POTEF: variants seen among roughly 807,000 people sequenced by gnomAD.
The protein encoded by POTEF is ANKRD26-like family C member 1B.
A neutral mutation model predicts 83.2 loss-of-function variants in POTEF; 20 were observed. The observed-to-expected ratio is 0.24, with a 90% CI of 0.17 to 0.35. POTEF has a LOEUF of 0.35. POTEF is among the 10% of genes least tolerant of loss of function. The pLI, the probability that POTEF is intolerant of heterozygous loss-of-function variation, is 1.00. For synonymous variants in POTEF, 196 were observed against 446.4 expected, an observed-to-expected ratio of 0.44 and a Z score of 7.07; for missense variants, 550 against 1,203.2, an observed-to-expected ratio of 0.46 and a Z score of 8.03.
At chr2:130,119,373 A>G (rs1472081502) in intron 3 of POTEF, among the ~76,000 whole-genome samples, 1 of 151,868 alleles carries the variant, frequency 6.6e-6, no homozygotes, top group East Asian at 1.9e-4. Flanking sequence ...TCACCGTGTT[A>G]GCCAGGATGG....
At position 130,112,107 on chromosome 2, in the gene POTEF, A is replaced by T; in HGVS notation, c.811-6T>A. On this transcript the variant is annotated splice_polypyrimidine_tract_variant and splice_region_variant and intron_variant, in intron 5 of 16. Coordinates refer to ENST00000409914, the MANE Select transcript of POTEF (RefSeq NM_001099771.2). The stretch of plus-strand genomic sequence containing the variant: ...AACAGTGGTGTGAGGCCATGCTGTA[A>T]AACAATATAAAGCAAAAACCTATGT... 1 of 1,478,476 alleles carries T rather than the reference A, an allele frequency of 6.8e-7. No individual in the cohort carries two copies. The highest frequency in any genetic ancestry group is 1.2e-5 in the South Asian group (1 of 84,564). 91.6% of individuals were successfully genotyped at this position (1,478,476 alleles called of 1,614,324 possible). A position where few individuals can be genotyped will look rare whatever the true frequency, so the allele number is the denominator to read the frequency against.
chr2:130,128,743 G>T (rs1479433540), intron 1 of POTEF, among the ~76,000 whole-genome samples: 1 of 118,800 alleles, frequency 8.4e-6, no homozygotes, highest in Non-Finnish European at 1.8e-5. Context: ...ACCACCCCCC[G>T]CTGCCAGCAT....
In POTEF at chr2:130,120,498, A is replaced by C; in HGVS notation, c.18T>G (p.Asp6Glu). 6.2e-7 allele frequency: 1 copy of C among 1,613,106 alleles called. No homozygotes were observed. Among genetic ancestry groups the C allele is most frequent in the Non-Finnish European group, 8.5e-7 (1 of 1,179,846 alleles). Residue 6 changes from aspartate (D) to glutamate (E), a missense_variant, in exon 3 of 17, where the codon GAT becomes GAG. Physicochemically the swap from Asp to Glu is conservative, Grantham distance 45. Transcript: ENST00000409914. ...TCACAGAAGAGGCAGCCGGCATGGA[A>C]TCAACCTCAACCACCATCTGCTTTT... MVVEV[D>E]SMPAASSVKK...
intron 2 of POTEF, among the ~76,000 whole-genome samples, chr2:130,126,003 C>T (rs1023349791): frequency 6.6e-6 from 1 of 151,510 alleles, no homozygotes; most frequent in Non-Finnish European, 1.5e-5. Context: ...TGACAATACT[C>T]TTGAAAATGG....
At chr2:130,105,047 T>C (rs1399641221) in intron 8 of POTEF, among the ~76,000 whole-genome samples, 4 of 149,556 alleles carry the variant, frequency 2.7e-5, no homozygotes, top group Admixed American at 1.3e-4. Context: ...CACATCCAGG[T>C]TAAATACTAC....
At chr2:130,076,005 A>C (rs1008684217) in intron 16 of POTEF, among the ~76,000 whole-genome samples, 1 of 134,982 alleles carries the variant, frequency 7.4e-6, no homozygotes, top group African/African-American at 2.8e-5. Flanking sequence ...CACCATCCTA[A>C]GAGCCTTAGC....
chr2:130,125,388 G>A (rs991748041), intron 2 of POTEF, among the ~76,000 whole-genome samples: 71 of 149,598 alleles, frequency 4.7e-4, no homozygotes, highest in Non-Finnish European at 8.4e-4. Context: ...ATGTATCAAC[G>A]GTATATTACA....
rs2104793957 is a variant in POTEF at position 130,095,391 on chromosome 2, T to C, written c.1410-1883A>G. Among the ~76,000 whole-genome samples the C allele has an allele frequency of 2.9e-5, 2 of 67,938 alleles. 1 individual carries two copies. The highest frequency in any genetic ancestry group is 6.7e-4 in the East Asian group (2 of 2,970). The allele number at this position is 67,938 out of a possible 152,430, so 44.6% of individuals were successfully genotyped here. ...ACTCCATTCACTTATTTAATAAGTATTTATTAGGTAGCTACATCCAATATG... is the reference window on the plus strand; with the variant it reads ...ACTCCATTCACTTATTTAATAAGTACTTATTAGGTAGCTACATCCAATATG... On this transcript the variant is annotated intron_variant, in intron 11 of 16. Coordinates refer to ENST00000409914, the MANE Select transcript of POTEF (RefSeq NM_001099771.2).
chr2:130,119,057 A>G (rs940258740), intron 3 of POTEF, among the ~76,000 whole-genome samples: 3 of 152,034 alleles, frequency 2.0e-5, no homozygotes, highest in Non-Finnish European at 2.9e-5. Context: ...TGTTACAAAA[A>G]ATTAATTTAT....
Position 130,074,016 on chromosome 2 carries a change from A to C in POTEF, c.*228T>G, listed in dbSNP as rs1354048659. 1 of 956,880 alleles carries C rather than the reference A, an allele frequency of 1.0e-6. No homozygotes were observed. Among genetic ancestry groups the C allele is most frequent in the African/African-American group, 1.7e-5 (1 of 60,404 alleles). 59.3% of individuals were successfully genotyped at this position (956,880 alleles called of 1,614,324 possible). ...TGGAATGACTATTGAAAAGAAGAACAAGGTACAATCAAAGTCCTTGGCCAC... is the reference window on the plus strand; with the variant it reads ...TGGAATGACTATTGAAAAGAAGAACCAGGTACAATCAAAGTCCTTGGCCAC... On this transcript the variant is annotated 3_prime_UTR_variant, in exon 17 of 17. Transcript: ENST00000409914.
At position 130,120,369 on chromosome 2, in the gene POTEF, G is replaced by C. The variant is rs372593701; in HGVS notation, c.147C>G (p.His49Gln). The change falls in exon 3 of 17, where the codon CAC becomes CAG. Residue 49 changes from histidine (H) to glutamine (Q), a missense_variant. Physicochemically the swap from His to Gln is conservative, Grantham distance 24. Transcript: ENST00000409914. ...TGAGTGTCTTCATAGCAGAGTCGTC[G>C]TGGTCTCCAGAAGTGCCCACGTTGC... ...GKSNVGTSGD[H>Q]DDSAMKTLRS... 1.2e-6 allele frequency: 2 copies of C among 1,601,844 alleles called. No homozygotes were observed. The highest frequency in any genetic ancestry group is 1.4e-5 in the African/African-American group (1 of 73,534).
At chr2:130,128,756 T>A (rs1573621520) in intron 1 of POTEF, among the ~76,000 whole-genome samples, 1 of 126,030 alleles carries the variant, frequency 7.9e-6, no homozygotes, top group African/African-American at 3.2e-5. Context: ...GCCAGCATTG[T>A]AGCTCCAAAT....
chr2:130,095,208 T>G (rs1684217812), intron 11 of POTEF, among the ~76,000 whole-genome samples: 1 of 90,004 alleles, frequency 1.1e-5, no homozygotes, highest in African/African-American at 4.9e-5. Flanking sequence ...TTTTGTATTT[T>G]TAGTAGAGAC....
intron 5 of POTEF, among the ~76,000 whole-genome samples, chr2:130,113,714 G>A (rs1573612426): frequency 1.3e-5 from 2 of 149,918 alleles, no homozygotes; most frequent in South Asian, 2.1e-4. Context: ...TAGACTTACT[G>A]TATCAAAATA....
At position 130,075,412 on chromosome 2, in the gene POTEF, T is replaced by C. The variant is rs573296979; in HGVS notation, c.2060A>G (p.Asn687Ser). ...LEDIESVKKR[N>S]DNLLKALQLN... ...TTGTAGAGCCTTTAAAAGATTATCA[T>C]TCCTTTTTTTCACACTTTCAATATC... Residue 687 changes from asparagine (N) to serine (S), a missense_variant, in exon 17 of 17, where the codon AAT becomes AGT. Coordinates refer to ENST00000409914, the MANE Select transcript of POTEF (RefSeq NM_001099771.2). The C allele has an allele frequency of 1.1e-5, 17 of 1,611,624 alleles. 1 individual carries two copies. The African/African-American group carries it at 2.0e-4, about 19-fold the overall frequency.
intron 12 of POTEF, among the ~76,000 whole-genome samples, chr2:130,088,581 TTTTTTTC>T (rs1231220825): frequency 7.7e-5 from 4 of 52,190 alleles, no homozygotes; most frequent in African/African-American, 1.8e-4. Flanking sequence ...ATTTATTTTC[TTTTTTTC>T]TTTTTTCTTT....
At position 130,120,458 on chromosome 2, in the gene POTEF, G is replaced by A. The variant is rs775372682; in HGVS notation, c.58C>T (p.Leu20Phe). 4.3e-6 allele frequency: 7 copies of A among 1,613,632 alleles called. No individual in the cohort carries two copies. Among genetic ancestry groups the A allele is most frequent in the Non-Finnish European group, 5.9e-6 (7 of 1,179,882 alleles). The change falls in exon 3 of 17, where the codon CTC (leucine) becomes TTC (phenylalanine). Residue 20 changes from leucine to phenylalanine, a missense_variant. Leu to Phe is a conservative substitution (Grantham distance 22). Coordinates refer to ENST00000409914, the MANE Select transcript of POTEF (RefSeq NM_001099771.2). ...CACCACTTGCCCATCTTGCTCCTGAGACCAAATGGCTTCTTCACAGAAGAG... is the reference window on the plus strand; with the variant it reads ...CACCACTTGCCCATCTTGCTCCTGAAACCAAATGGCTTCTTCACAGAAGAG... ...AASSVKKPFG[L>F]RSKMGKWCCR...
intron 8 of POTEF, among the ~76,000 whole-genome samples, chr2:130,106,025 T>C (rs1238378012): frequency 6.6e-6 from 1 of 151,088 alleles, no homozygotes; most frequent in African/African-American, 2.5e-5. Flanking sequence ...CTTCTAAGTT[T>C]TCTCCCTGTT....
chr2:130,123,000 TA>T (rs781499992), intron 2 of POTEF, among the ~76,000 whole-genome samples: 212 of 135,066 alleles, frequency 1.6e-3, no homozygotes, highest in Non-Finnish European at 2.7e-3. Flanking sequence ...CTTGTATAAT[TA>T]CTCTGGCAAG....
Sources: gnomAD v4.1 joint callset for allele counts (sites outside exome capture counted in the v4.1 genomes callset) on GRCh38, gnomAD v4.1.1 for gene constraint, MANE v1.5 for transcripts, NCBI Gene and HGNC (gene_info 2026-07-23, HGNC 2026-07-21) for gene names.